RFX2: variants seen among roughly 807,000 people sequenced by gnomAD.
RFX2 encodes the protein regulatory factor X2.
In RFX2, 20 loss-of-function variants were observed where a neutral mutation model predicts 87.8. The observed-to-expected ratio is 0.23, with a 90% CI of 0.16 to 0.33. The LOEUF (loss-of-function observed/expected upper bound fraction) is 0.33. Ranked by LOEUF, RFX2 falls within the 10% of genes least tolerant of loss-of-function variation. The pLI is 1.00. For missense variants in RFX2, 767 were observed against 1,012.3 expected (o/e 0.76, Z 3.29); for synonymous variants, 397 against 431.3 (o/e 0.92, Z 0.98).
At chr19:6,030,252 AGGAG>A (rs1277290805) in intron 5 of RFX2, among the ~76,000 whole-genome samples, 1 of 152,232 alleles carries the variant, frequency 6.6e-6, no homozygotes, top group Middle Eastern at 3.2e-3. Context: ...TAGAAGCAGT[AGGAG>A]AGAAGTGGCG....
rs1001567910 is a variant in RFX2, at chr19:6,013,493, TC to T, written c.780-389del. On this transcript the variant is annotated intron_variant, in intron 7 of 17. Transcript: ENST00000303657. The surrounding 1 kb of genome is among the most constrained non-coding windows in gnomAD (Gnocchi z 4.1). ...GAGCCACTGCGCCTGGCCTCTTCTC[TC>T]TTTTTTTTTTTTTTCAGAAACAGGG... Among the ~76,000 whole-genome samples the T allele has an allele frequency of 7.5e-6, 1 of 133,470 alleles. No homozygotes were observed. The highest frequency in any genetic ancestry group is 4.1e-5 in the African/African-American group (1 of 24,628). The allele number at this position is 133,470 out of a possible 152,430, so 87.6% of individuals were successfully genotyped here.
intron 1 of RFX2, among the ~76,000 whole-genome samples, chr19:6,100,864 TTTAATTGAATTAA>T (rs1440558586): frequency 4.3e-5 from 6 of 139,074 alleles, no homozygotes; most frequent in South Asian, 2.1e-4. Context: ...ATTATATTGA[TTTAATTGAATTAA>T]TTAATTGAAT....
Position 6,083,887 on chromosome 19 carries a change from T to A in RFX2, c.-9+26506A>T, listed in dbSNP as rs1439401054. Among the ~76,000 whole-genome samples, 1 of 152,220 alleles carries A rather than the reference T, an allele frequency of 6.6e-6. No homozygotes were observed. Among genetic ancestry groups the A allele is most frequent in the African/African-American group, 2.4e-5 (1 of 41,448 alleles). On this transcript the variant is annotated intron_variant, in intron 1 of 17. Transcript: ENST00000303657. The surrounding 1 kb of genome is among the most constrained non-coding windows in gnomAD (Gnocchi z 4.6). ...GAGTAGGCACTCAAACGTGTCTGAA[T>A]AATTTAGTCCCATTTTCTCCATTCT... is the stretch of plus-strand genomic sequence containing the variant.
intron 1 of RFX2, among the ~76,000 whole-genome samples, chr19:6,084,591 C>T (rs2087830053): frequency 6.6e-6 from 1 of 152,018 alleles, no homozygotes; most frequent in African/African-American, 2.4e-5. Context: ...CTCTAGGGAC[C>T]TCCTAGGGGT....
At position 6,007,087 on chromosome 19, in the gene RFX2, T is replaced by C. The variant is rs764939768; in HGVS notation, c.1327A>G (p.Met443Val). Residue 443 changes from methionine to valine, a missense_variant, in exon 12 of 18, where the codon ATG becomes GTG. Physicochemically the swap from Met to Val is conservative, Grantham distance 21. Coordinates refer to ENST00000303657, the MANE Select transcript of RFX2 (RefSeq NM_000635.4). The surrounding 1 kb of genome is among the most constrained non-coding windows in gnomAD (Gnocchi z 8.2). ...TAGAGGATGTGGTCGCAGCTCCTCA[T>C]CCACCTGAGGATGGGGTCGCACTGA... Reference protein sequence around the residue: ...LCQCDPILRWMRSCDHILYQA... With the variant: ...LCQCDPILRWVRSCDHILYQA... 1 of 1,614,032 alleles carries C rather than the reference T, an allele frequency of 6.2e-7. No individual in the cohort carries two copies. The highest frequency in any genetic ancestry group is 8.5e-7 in the Non-Finnish European group (1 of 1,179,938).
intron 3 of RFX2, 98 bp from the exon 4 acceptor site, chr19:6,042,221 A>G: frequency 4.9e-6 from 5 of 1,028,312 alleles, no homozygotes; most frequent in Non-Finnish European, 7.5e-6. Flanking sequence ...CTTTATGAAC[A>G]TTTAGTACCA....
At chr19:6,051,976 C>T (rs2144788320) in intron 1 of RFX2, among the ~76,000 whole-genome samples, 1 of 152,290 alleles carries the variant, frequency 6.6e-6, no homozygotes, top group South Asian at 2.1e-4. Context: ...CTCCCAGGTT[C>T]ACGCCATTCT....
At position 6,022,811 on chromosome 19, in the gene RFX2, G is replaced by C. The variant is rs2086834779; in HGVS notation, c.597+3352C>G. ...GACCTCCAGGCCCTGCAGACCCCCTGGGTCCAAGCCCCTAGAGGGGAGGCC... is the reference window on the plus strand; with the variant it reads ...GACCTCCAGGCCCTGCAGACCCCCTCGGTCCAAGCCCCTAGAGGGGAGGCC... On this transcript the variant is annotated intron_variant, in intron 6 of 17. Coordinates refer to ENST00000303657, the MANE Select transcript of RFX2 (RefSeq NM_000635.4). This position sits in a 1 kb window ranked among gnomAD's most constrained non-coding sequence, Gnocchi z 6.2. 6.6e-6 allele frequency among the ~76,000 whole-genome samples: 1 copy of C among 152,236 alleles called. No homozygotes were observed. Among genetic ancestry groups the C allele is most frequent in the African/African-American group, 2.4e-5 (1 of 41,464 alleles).
At chr19:6,053,210 A>G (rs2087287842) in intron 1 of RFX2, among the ~76,000 whole-genome samples, 2 of 152,368 alleles carry the variant, frequency 1.3e-5, no homozygotes, top group Middle Eastern at 6.8e-3. Flanking sequence ...GAAGAAATTT[A>G]AACACATACT....
At position 5,993,885 on chromosome 19, in the gene RFX2, G is replaced by T. The variant is rs1046391; in HGVS notation, c.*950C>A. 15,989 of 152,320 alleles carry T rather than the reference G, an allele frequency of 0.1. 963 individuals carry two copies. The highest frequency in any genetic ancestry group is 0.18 in the Middle Eastern group (54 of 296). The allele number at this position is 152,320 out of a possible 1,614,324, so 9.4% of individuals were successfully genotyped here. A position where few individuals can be genotyped will look rare whatever the true frequency, so the allele number is the denominator to read the frequency against. On this transcript the variant is annotated 3_prime_UTR_variant, in exon 18 of 18. Coordinates refer to ENST00000303657, the MANE Select transcript of RFX2 (RefSeq NM_000635.4). Reference sequence around the variant, plus strand: ...GAGGTGTTCTGGAAGACTCCGTGGAGCGGGACGCAGGCACTGCTGTTTGGA... The same window carrying T: ...GAGGTGTTCTGGAAGACTCCGTGGATCGGGACGCAGGCACTGCTGTTTGGA...
chr19:6,046,604 CCT>C (rs2087194151), intron 2 of RFX2, among the ~76,000 whole-genome samples: 1 of 131,954 alleles, frequency 7.6e-6, no homozygotes, highest in Non-Finnish European at 1.6e-5. Context: ...TGCCTTTTTG[CCT>C]TTTTTTTTTT....
At chr19:6,046,532 C>T (rs998879587) in intron 2 of RFX2, among the ~76,000 whole-genome samples, 1 of 149,160 alleles carries the variant, frequency 6.7e-6, no homozygotes, top group African/African-American at 2.5e-5. Flanking sequence ...GCACTCCAGC[C>T]TGGGCGACAG....
chr19:6,078,938 G>C (rs1183918659), intron 1 of RFX2, among the ~76,000 whole-genome samples: 1 of 152,180 alleles, frequency 6.6e-6, no homozygotes, highest in African/African-American at 2.4e-5. Flanking sequence ...ACCATGCCCA[G>C]CTAATTTTTG....
At chr19:6,052,692 G>A (rs1019336662) in intron 1 of RFX2, among the ~76,000 whole-genome samples, 2 of 152,320 alleles carry the variant, frequency 1.3e-5, no homozygotes, top group Middle Eastern at 6.8e-3. Flanking sequence ...TACAGAGCAT[G>A]TATGCACTTT....
At position 6,008,913 on chromosome 19, in the gene RFX2, C is replaced by G. The variant is rs919291741; in HGVS notation, c.1016-689G>C. ...CAAGTTGGTCTCAAACTCCCAACCTCAAGTGATCTGCCTGCCTTGGCTTCT... is the reference window on the plus strand; with the variant it reads ...CAAGTTGGTCTCAAACTCCCAACCTGAAGTGATCTGCCTGCCTTGGCTTCT... On this transcript the variant is annotated intron_variant, in intron 9 of 17. Coordinates refer to ENST00000303657, the MANE Select transcript of RFX2 (RefSeq NM_000635.4). Among the ~76,000 whole-genome samples the G allele has an allele frequency of 5.9e-5, 9 of 152,172 alleles. No individual in the cohort carries two copies. In the South Asian group the frequency reaches 1.0e-3, roughly 18 times the overall value.
chr19:6,084,991 A>G (rs1019155718), intron 1 of RFX2, among the ~76,000 whole-genome samples: 7 of 152,186 alleles, frequency 4.6e-5, no homozygotes, highest in African/African-American at 1.7e-4. Flanking sequence ...CCTTAAGCAT[A>G]ATGCATAATG....
intron 5 of RFX2, among the ~76,000 whole-genome samples, chr19:6,032,940 C>G (rs565862392): frequency 8.5e-4 from 129 of 152,312 alleles, no homozygotes; most frequent in African/African-American, 3.0e-3. Context: ...AGGCATGTGC[C>G]ACCACAACCA....
chr19:6,038,606 A>G (rs1305072127), intron 5 of RFX2, among the ~76,000 whole-genome samples: 1 of 152,184 alleles, frequency 6.6e-6, no homozygotes, highest in East Asian at 1.9e-4. Flanking sequence ...ACTTGTATCC[A>G]GAATACATAA....
chr19:6,073,656 AAAG>A, intron 1 of RFX2: 1 of 263,166 alleles, frequency 3.8e-6, no homozygotes, highest in Non-Finnish European at 7.3e-6. Context: ...TTAAAGATGG[AAAG>A]AAGGAAGGCT....
Sources: gnomAD v4.1 joint callset for allele counts (sites outside exome capture counted in the v4.1 genomes callset) on GRCh38, gnomAD v4.1.1 for gene constraint, Gnocchi (gnomAD v3.1) non-coding constraint, MANE v1.5 for transcripts, NCBI Gene and HGNC (gene_info 2026-07-23, HGNC 2026-07-21) for gene names.